Variants in SLIT1 observed in about 807,000 individuals in gnomAD.
SLIT1 encodes slit homolog 1 protein.
Under a neutral mutation model 186.1 loss-of-function variants are expected in SLIT1, and 66 were observed. The ratio of observed to expected loss-of-function variants is 0.35; its 90% CI spans 0.29 to 0.44. The LOEUF (loss-of-function observed/expected upper bound fraction) is 0.44. SLIT1 is among the 20% of genes least tolerant of loss of function. The pLI, the probability that SLIT1 is intolerant of heterozygous loss-of-function variation, is 1.00. For synonymous variants in SLIT1, 761 were observed against 833.8 expected (o/e 0.91, Z 1.50); for missense variants, 1,638 against 2,037.4 (o/e 0.80, Z 3.77).
intron 4 of SLIT1, among the ~76,000 whole-genome samples, chr10:97,082,296 GTTA>G (rs898281807): frequency 6.6e-6 from 1 of 152,228 alleles, no homozygotes; most frequent in Non-Finnish European, 1.5e-5. Context: ...ACACACGATT[GTTA>G]TTAGTGGTGG....
At chr10:97,098,352 A>AGACAGAG (rs1849313613) in intron 4 of SLIT1, among the ~76,000 whole-genome samples, 2 of 152,220 alleles carry the variant, frequency 1.3e-5, no homozygotes, top group African/African-American at 2.4e-5. Flanking sequence ...GGAAGTGGTA[A>AGACAGAG]CTGGGATGAA....
At chr10:97,174,847 G>A (rs1481218100) in intron 1 of SLIT1, among the ~76,000 whole-genome samples, 2 of 152,100 alleles carry the variant, frequency 1.3e-5, no homozygotes, top group Non-Finnish European at 2.9e-5. Context: ...CCAGGACCCA[G>A]CTCTTTTTAA....
intron 4 of SLIT1, among the ~76,000 whole-genome samples, chr10:97,111,499 C>T (rs878888633): frequency 6.6e-6 from 1 of 152,168 alleles, no homozygotes; most frequent in Admixed American, 6.5e-5. Context: ...AAGCTGCTCC[C>T]GCCGCGGAGA....
chr10:97,142,152 A>G (rs1489484528), intron 4 of SLIT1, among the ~76,000 whole-genome samples: 1 of 151,384 alleles, frequency 6.6e-6, no homozygotes. Context: ...CGGCCCTTTC[A>G]CAACAAATAC....
intron 25 of SLIT1, among the ~76,000 whole-genome samples, chr10:97,025,697 A>T (rs1426569991): frequency 6.6e-6 from 1 of 152,218 alleles, no homozygotes; most frequent in Non-Finnish European, 1.5e-5. Flanking sequence ...CCCCAGCCAA[A>T]GTAAAAATAA....
At chr10:97,025,429 AC>A (rs1171917373) in intron 25 of SLIT1, among the ~76,000 whole-genome samples, 9 of 152,224 alleles carry the variant, frequency 5.9e-5, no homozygotes, top group Non-Finnish European at 1.3e-4. Context: ...TCTGAGCCAC[AC>A]CTGAATTCAA....
rs1848399474 is a variant in SLIT1 at position 97,010,302 on chromosome 10, G to A, written c.3341+691C>T. On this transcript the variant is annotated intron_variant, in intron 31 of 36. Transcript: ENST00000266058. This position sits in a 1 kb window ranked among gnomAD's most constrained non-coding sequence, Gnocchi z 4.8. Reference sequence around the variant, plus strand: ...ACATGATGCTGAGTGAAAGCAGCCAGTCACAAAGGACAACAGACTGTACGA... The same window carrying A: ...ACATGATGCTGAGTGAAAGCAGCCAATCACAAAGGACAACAGACTGTACGA... 6.6e-6 allele frequency among the ~76,000 whole-genome samples: 1 copy of A among 152,212 alleles called. No individual in the cohort carries two copies. Among genetic ancestry groups the A allele is most frequent in the South Asian group, 2.1e-4 (1 of 4,836 alleles).
chr10:97,150,486 G>A (rs925950323), intron 4 of SLIT1, among the ~76,000 whole-genome samples: 24 of 152,144 alleles, frequency 1.6e-4, no homozygotes, highest in African/African-American at 5.8e-4. Context: ...TCATATCCAC[G>A]CCTCTCCAAC....
At chr10:97,112,323 A>G (rs886439768) in intron 4 of SLIT1, among the ~76,000 whole-genome samples, 1 of 152,114 alleles carries the variant, frequency 6.6e-6, no homozygotes, top group Non-Finnish European at 1.5e-5. Context: ...ACCCCTCAGC[A>G]CCAGCTCTCT....
intron 4 of SLIT1, among the ~76,000 whole-genome samples, chr10:97,122,634 T>G (rs147725061): frequency 1.3e-5 from 2 of 152,192 alleles, no homozygotes; most frequent in African/African-American, 4.8e-5. Flanking sequence ...AAGAGAACAA[T>G]GTGTACAAGC....
chr10:97,059,755 T>C (rs902786222), intron 10 of SLIT1, among the ~76,000 whole-genome samples: 5 of 152,188 alleles, frequency 3.3e-5, no homozygotes, highest in African/African-American at 1.2e-4. Context: ...TGGGAAGTTA[T>C]GGACAAAGCT....
chr10:97,059,858 C>T (rs1848875552), intron 10 of SLIT1, among the ~76,000 whole-genome samples: 1 of 152,190 alleles, frequency 6.6e-6, no homozygotes, highest in African/African-American at 2.4e-5. Context: ...CAAGCAGCTC[C>T]CATCACAGGC....
At chr10:97,019,855 C>A (rs375368622) in intron 26 of SLIT1, among the ~76,000 whole-genome samples, 1 of 152,168 alleles carries the variant, frequency 6.6e-6, no homozygotes, top group African/African-American at 2.4e-5. Context: ...TGGAATATTA[C>A]TCCTGCTGAA....
At chr10:97,160,223 A>G (rs1042735282) in intron 3 of SLIT1, among the ~76,000 whole-genome samples, 1 of 152,210 alleles carries the variant, frequency 6.6e-6, no homozygotes, top group Non-Finnish European at 1.5e-5. Flanking sequence ...AACTGCTCAC[A>G]AGAACCAGTT....
intron 4 of SLIT1, among the ~76,000 whole-genome samples, chr10:97,090,852 C>G (rs1260212719): frequency 6.6e-6 from 1 of 152,232 alleles, no homozygotes; most frequent in Non-Finnish European, 1.5e-5. Flanking sequence ...CTCCTAAGCC[C>G]ACGCTCCATC....
chr10:97,063,881 A>G (rs1052372499), intron 7 of SLIT1, among the ~76,000 whole-genome samples: 9 of 152,032 alleles, frequency 5.9e-5, no homozygotes, highest in African/African-American at 2.2e-4. Flanking sequence ...CATCGCAATG[A>G]CCTTGCACAG....
intron 4 of SLIT1, among the ~76,000 whole-genome samples, chr10:97,108,321 C>T (rs1228810084): frequency 6.6e-6 from 1 of 152,366 alleles, no homozygotes; most frequent in Non-Finnish European, 1.5e-5. Flanking sequence ...CCTCTCCGTG[C>T]CTCAGTTTCC....
Position 97,011,121 on chromosome 10 carries a change from G to A in SLIT1, c.3213C>T (p.Cys1071=), listed in dbSNP as rs747673009. 3 of 1,613,464 alleles carry A rather than the reference G, an allele frequency of 1.9e-6. No individual in the cohort carries two copies. The highest frequency in any genetic ancestry group is 2.2e-5 in the East Asian group (1 of 44,876). Residue 1071 remains cysteine, a synonymous_variant, in exon 31 of 37, where the codon TGC becomes TGT. Transcript: ENST00000266058. ...AGTTGTCACCTGCATAACCTGGCAT[G>A]CACTCACACCTAGTGGGTGGGGGGC... ...VGTPDGPRCE[C]MPGYAGDNCS...
intron 25 of SLIT1, among the ~76,000 whole-genome samples, chr10:97,027,477 C>T (rs1564656635): frequency 6.6e-6 from 1 of 152,200 alleles, no homozygotes; most frequent in Non-Finnish European, 1.5e-5. Flanking sequence ...TATCCACAAG[C>T]TTTCTTGATA....
Sources: allele counts gnomAD v4.1 joint callset (sites outside exome capture counted in the v4.1 genomes callset), GRCh38; gene constraint gnomAD v4.1.1; non-coding constraint Gnocchi (gnomAD v3.1); transcripts MANE v1.5; gene names NCBI Gene and HGNC (gene_info 2026-07-23, HGNC 2026-07-21).